Variants in LRRTM4 observed in about 807,000 individuals in gnomAD.
LRRTM4 encodes the protein leucine rich repeat transmembrane neuronal 4.
LRRTM4 carries 25 observed loss-of-function variants against 47.6 expected under a neutral mutation model. The observed-to-expected ratio is 0.53, with a 90% CI of 0.38 to 0.73. The LOEUF (loss-of-function observed/expected upper bound fraction) is 0.73. Ranked by LOEUF, LRRTM4 falls within the 30% of genes least tolerant of loss-of-function variation. The pLI is 0.00. For synonymous variants in LRRTM4, 311 were observed against 269.5 expected, an observed-to-expected ratio of 1.15 and a Z score of -1.51; for missense variants, 638 against 713.4, an observed-to-expected ratio of 0.89 and a Z score of 1.20.
At chr2:76,760,899 G>C (rs1281943882) in intron 3 of LRRTM4, among the ~76,000 whole-genome samples, 2 of 152,166 alleles carry the variant, frequency 1.3e-5, no homozygotes, top group Non-Finnish European at 2.9e-5. Context: ...GATTTCTTCA[G>C]CCATCCGAAA....
chr2:77,040,487 G>GAA, intron 3 of LRRTM4, among the ~76,000 whole-genome samples: 1 of 151,430 alleles, frequency 6.6e-6, no homozygotes, highest in Middle Eastern at 3.4e-3. Flanking sequence ...GAGAGAGAGA[G>GAA]AAACAAGGTC....
chr2:76,923,156 T>C (rs1349934068), intron 3 of LRRTM4, among the ~76,000 whole-genome samples: 1 of 152,100 alleles, frequency 6.6e-6, no homozygotes, highest in African/African-American at 2.4e-5. Flanking sequence ...TTGTATACTT[T>C]ATTGTTAATG....
chr2:76,995,749 C>G (rs1677178241), intron 3 of LRRTM4, among the ~76,000 whole-genome samples: 1 of 151,994 alleles, frequency 6.6e-6, no homozygotes, highest in South Asian at 2.1e-4. Flanking sequence ...AAGATGTGAA[C>G]TCTGTAACTC....
intron 3 of LRRTM4, among the ~76,000 whole-genome samples, chr2:77,276,466 G>C (rs1285525096): frequency 6.7e-6 from 1 of 149,404 alleles, no homozygotes; most frequent in Non-Finnish European, 1.5e-5. Context: ...CTTGTCATAG[G>C]AAATATATAT....
intron 3 of LRRTM4, among the ~76,000 whole-genome samples, chr2:77,345,880 A>AAT (rs1671542785): frequency 1.3e-5 from 2 of 151,866 alleles, no homozygotes; most frequent in African/African-American, 4.8e-5. Context: ...TCAAAGAAAA[A>AAT]ATATATATAT....
chr2:77,304,136 G>C (rs58975079), intron 3 of LRRTM4, among the ~76,000 whole-genome samples: 3,913 of 152,030 alleles, frequency 0.026, 167 homozygotes, highest in African/African-American at 0.088. Flanking sequence ...TTGGATAATG[G>C]GCATTCTAAC....
intron 3 of LRRTM4, among the ~76,000 whole-genome samples, chr2:76,894,831 C>T (rs990008156): frequency 3.3e-5 from 5 of 151,090 alleles, no homozygotes; most frequent in South Asian, 2.1e-4. Context: ...GCATATAATA[C>T]GTCTGTTGCA....
intron 3 of LRRTM4, among the ~76,000 whole-genome samples, chr2:76,827,260 G>A (rs1671214692): frequency 6.6e-6 from 1 of 151,778 alleles, no homozygotes; most frequent in Non-Finnish European, 1.5e-5. Context: ...GGACATTTTA[G>A]ATAGCAAGGT....
chr2:77,212,746 C>T (rs1369333622), intron 3 of LRRTM4, among the ~76,000 whole-genome samples: 1 of 151,944 alleles, frequency 6.6e-6, no homozygotes, highest in Non-Finnish European at 1.5e-5. Flanking sequence ...TGACGCAAAA[C>T]CTCTGAGGCA....
intron 3 of LRRTM4, among the ~76,000 whole-genome samples, chr2:77,181,928 CT>C (rs1184727425): frequency 6.6e-6 from 1 of 152,078 alleles, no homozygotes; most frequent in Admixed American, 6.6e-5. Context: ...ACAATAGATG[CT>C]GGTGAGTCTG....
At chr2:77,315,832 T>C (rs145782761) in intron 3 of LRRTM4, among the ~76,000 whole-genome samples, 2 of 152,322 alleles carry the variant, frequency 1.3e-5, no homozygotes, top group African/African-American at 4.8e-5. Context: ...GCCCTTTCTC[T>C]TAGCTTCTAT....
chr2:76,859,177 G>A (rs529825443), intron 3 of LRRTM4, among the ~76,000 whole-genome samples: 9 of 152,274 alleles, frequency 5.9e-5, no homozygotes, highest in South Asian at 4.1e-4. Context: ...TTTAACTTAG[G>A]AGGGGGTGAA....
At chr2:76,855,438 A>C (rs1477054657) in intron 3 of LRRTM4, among the ~76,000 whole-genome samples, 5 of 152,218 alleles carry the variant, frequency 3.3e-5, no homozygotes, top group African/African-American at 1.2e-4. Context: ...GCCTTATTTG[A>C]TAAATAATAG....
intron 3 of LRRTM4, among the ~76,000 whole-genome samples, chr2:76,934,792 G>A (rs1303635498): frequency 6.6e-6 from 1 of 152,154 alleles, no homozygotes; most frequent in African/African-American, 2.4e-5. Flanking sequence ...AATCTTTGTT[G>A]AATGAATGTG....
At chr2:76,891,536 T>A (rs1466288237) in intron 3 of LRRTM4, among the ~76,000 whole-genome samples, 2 of 151,492 alleles carry the variant, frequency 1.3e-5, no homozygotes, top group Non-Finnish European at 3.0e-5. Flanking sequence ...AAATACTAGA[T>A]AAAATAGTTT....
chr2:77,433,048 C>G (rs1675448533), intron 3 of LRRTM4, among the ~76,000 whole-genome samples: 2 of 152,060 alleles, frequency 1.3e-5, no homozygotes, highest in Admixed American at 1.3e-4. Context: ...GGGAGAAGGG[C>G]AATTGTGAAA....
chr2:76,927,481 AG>A (rs1301870799), intron 3 of LRRTM4, among the ~76,000 whole-genome samples: 1 of 152,132 alleles, frequency 6.6e-6, no homozygotes, highest in Non-Finnish European at 1.5e-5. Context: ...CAGAGACAAA[AG>A]ATGGAATTGG....
At chr2:76,893,195 T>C (rs532841437) in intron 3 of LRRTM4, among the ~76,000 whole-genome samples, 1 of 151,716 alleles carries the variant, frequency 6.6e-6, no homozygotes, top group South Asian at 2.1e-4. Flanking sequence ...AGTTACATTT[T>C]GTATTAAAGG....
chr2:77,496,120 G>T (rs923037718), intron 3 of LRRTM4, among the ~76,000 whole-genome samples: 1 of 151,792 alleles, frequency 6.6e-6, no homozygotes, highest in Non-Finnish European at 1.5e-5. Context: ...TTTATACTAT[G>T]AATGGAATGT....
Sources: gnomAD v4.1 joint callset for allele counts (sites outside exome capture counted in the v4.1 genomes callset) on GRCh38, gnomAD v4.1.1 for gene constraint, MANE v1.5 for transcripts, NCBI Gene and HGNC (gene_info 2026-07-23, HGNC 2026-07-21) for gene names.